SEC23A: variants seen among roughly 807,000 people sequenced by gnomAD.
SEC23A encodes SEC23 homolog A, COPII component.
Under a neutral mutation model 103.7 loss-of-function variants are expected in SEC23A, and 56 were observed. The ratio of observed to expected loss-of-function variants is 0.54; its 90% CI spans 0.44 to 0.67. The LOEUF (loss-of-function observed/expected upper bound fraction) is 0.67. Among genes scored for constraint, SEC23A ranks in the 30% least tolerant of loss-of-function variants. SEC23A has a pLI of 0.00. For missense variants in SEC23A, 784 were observed against 936.4 expected (o/e 0.84, Z 2.12); for synonymous variants, 281 against 293.0 (o/e 0.96, Z 0.42).
At chr14:39,074,288 T>G (rs1303849473) in intron 9 of SEC23A, 127 bp downstream of exon 9, 1 of 714,814 alleles carries the variant, frequency 1.4e-6, no homozygotes, top group African/African-American at 1.8e-5. Flanking sequence ...CAAAAACTAC[T>G]AACAGATGTG....
intron 1 of SEC23A, among the ~76,000 whole-genome samples, chr14:39,101,568 A>G (rs1256046538): frequency 6.6e-6 from 1 of 151,704 alleles, no homozygotes; most frequent in Non-Finnish European, 1.5e-5. Context: ...GGTTGCAGTG[A>G]GCCGAAATCG....
In SEC23A at chr14:39,041,409, C is replaced by CAAAAAAAAAAAA. The variant is rs56911438; in HGVS notation, c.1987-534_1987-523dup. The CAAAAAAAAAAAA allele has an allele frequency of 5.5e-4, 8 of 14,642 alleles. 1 individual carries two copies. The highest frequency in any genetic ancestry group is 3.2e-3 in the East Asian group (1 of 310). The allele number at this position is 14,642 out of a possible 1,614,324, so 0.9% of individuals were successfully genotyped here. ...AAATCACCATAAAACAAAGAAAAAG[C>CAAAAAAAAAAAA]AAAAAAAAAAAAAAAAAAAAAAAAA... On this transcript the variant is annotated intron_variant, in intron 17 of 19. Transcript: ENST00000307712.
intron 2 of SEC23A, among the ~76,000 whole-genome samples, chr14:39,094,294 A>C (rs1887770898): frequency 8.5e-6 from 1 of 117,362 alleles, no homozygotes; most frequent in Admixed American, 9.8e-5. Flanking sequence ...ATATATATGC[A>C]TATATACACA....
At chr14:39,098,098 A>C (rs971914435) in intron 1 of SEC23A, among the ~76,000 whole-genome samples, 36 of 152,126 alleles carry the variant, frequency 2.4e-4, no homozygotes, top group Non-Finnish European at 7.3e-5. Flanking sequence ...CAAAAAAAAA[A>C]ACAAAACTAT....
intron 10 of SEC23A, among the ~76,000 whole-genome samples, chr14:39,066,234 T>C (rs190492070): frequency 6.6e-6 from 1 of 152,002 alleles, no homozygotes; most frequent in Non-Finnish European, 1.5e-5. Context: ...TCCCTAGGCA[T>C]CTCTGTAATT....
chr14:39,071,072 A>G (rs1248175658), intron 9 of SEC23A, among the ~76,000 whole-genome samples: 2 of 152,202 alleles, frequency 1.3e-5, no homozygotes, highest in Non-Finnish European at 2.9e-5. Context: ...CCGAAGATCA[A>G]GAACAACACA....
intron 5 of SEC23A, among the ~76,000 whole-genome samples, chr14:39,089,803 A>G (rs1887594257): frequency 6.6e-6 from 1 of 152,202 alleles, no homozygotes; most frequent in Admixed American, 6.5e-5. Flanking sequence ...CAAAAATACC[A>G]AAATTAGCTG....
intron 2 of SEC23A, 31 bp from the exon 3 acceptor site, chr14:39,093,275 G>A (rs370560645): frequency 5.1e-5 from 79 of 1,562,680 alleles, no homozygotes; most frequent in Middle Eastern, 1.7e-4. Context: ...AGACATATCA[G>A]TTCATATTTC....
rs369778560 is a variant in SEC23A, at chr14:39,086,951, G to C, written c.661C>G (p.Gln221Glu). ...LTQATRGPQV[Q>E]QPPPSNRFLQ... is the part of the protein sequence containing the mutation. ...TACCTGTTGGAAGGAGGTGGCTGCT[G>C]TACCTGAGGACCACGTGTTGCTTGA... Residue 221 changes from glutamine (Q) to glutamate (E), a missense_variant, in exon 6 of 20, where the codon CAG becomes GAG. Coordinates refer to ENST00000307712, the MANE Select transcript of SEC23A (RefSeq NM_006364.4). The C allele has an allele frequency of 1.3e-6, 2 of 1,595,746 alleles. No homozygotes were observed. Among genetic ancestry groups the C allele is most frequent in the East Asian group, 2.2e-5 (1 of 44,794 alleles).
intron 9 of SEC23A, 30 bp from the exon 10 acceptor site, chr14:39,067,326 C>T (rs745702308): frequency 1.2e-6 from 2 of 1,612,074 alleles, no homozygotes; most frequent in Non-Finnish European, 1.7e-6. Flanking sequence ...AAACAACATA[C>T]TTGACACAGT....
At chr14:39,041,667 C>T (rs1451323337) in intron 17 of SEC23A, among the ~76,000 whole-genome samples, 1 of 151,778 alleles carries the variant, frequency 6.6e-6, no homozygotes, top group African/African-American at 2.4e-5. Context: ...GTCAGGAGTT[C>T]GAGACCAGCC....
chr14:39,039,327 ATTG>A, intron 18 of SEC23A: 1 of 490,998 alleles, frequency 2.0e-6, no homozygotes, highest in Non-Finnish European at 3.6e-6. Flanking sequence ...TAACAAATAC[ATTG>A]TTGAGTCCAA....
chr14:39,049,990 G>A (rs62001133), intron 14 of SEC23A, among the ~76,000 whole-genome samples: 10 of 151,816 alleles, frequency 6.6e-5, no homozygotes, highest in South Asian at 4.1e-4. Flanking sequence ...GGATGGTCTC[G>A]ATCTCCTGAC....
chr14:39,094,047 G>C (rs1482053470), intron 2 of SEC23A, among the ~76,000 whole-genome samples: 2 of 150,826 alleles, frequency 1.3e-5, no homozygotes, highest in Non-Finnish European at 2.9e-5. Context: ...TTTGAGACAG[G>C]GTCTCGTTCT....
In SEC23A at chr14:39,040,765, T is replaced by G. The variant is rs1885610261; in HGVS notation, c.2109A>C (p.Pro703=). The G allele has an allele frequency of 6.2e-7, 1 of 1,614,120 alleles. No homozygotes were observed. Among genetic ancestry groups the G allele is most frequent in the Non-Finnish European group, 8.5e-7 (1 of 1,180,048 alleles). Residue 703 remains proline, a synonymous_variant, in exon 18 of 20, where the codon CCA becomes CCC. Transcript: ENST00000307712. The part of the protein sequence containing the change: ...QEILHSRFPM[P]RYIDTEHGGS... ...CTCCATGTTCAGTGTCAATGTATCT[T>G]GGCATTGGAAATCTGGAGTGAAGAA...
chr14:39,054,658 G>A (rs2139211283), intron 14 of SEC23A, among the ~76,000 whole-genome samples: 1 of 151,868 alleles, frequency 6.6e-6, no homozygotes, highest in South Asian at 2.1e-4. Flanking sequence ...GGAGAGACAG[G>A]GGTTTCGCCA....
At position 39,064,973 on chromosome 14, in the gene SEC23A, A is replaced by G; in HGVS notation, c.1248T>C (p.Ile416=). The G allele has an allele frequency of 6.2e-7, 1 of 1,612,766 alleles. No homozygotes were observed. The highest frequency in any genetic ancestry group is 1.3e-5 in the African/African-American group (1 of 74,994). ...ACACACAGGGTCCAATAGCTCCTGA[A>G]ATCTTTATTTCCCTTGAGGTCTGCA... ...LEIKTSREIK[I]SGAIGPCVSL... Residue 416 remains isoleucine, a synonymous_variant, in exon 11 of 20, where the codon ATT becomes ATC. Transcript: ENST00000307712.
At chr14:39,094,186 A>G (rs1005786604) in intron 2 of SEC23A, among the ~76,000 whole-genome samples, 56 of 147,416 alleles carry the variant, frequency 3.8e-4, no homozygotes, top group African/African-American at 1.4e-3. Context: ...CACACCCAGC[A>G]TATACATATA....
chr14:39,086,994 G>A lies in SEC23A; in HGVS notation c.618C>T (p.Leu206=), dbSNP rs768220057. 43 of 1,572,312 alleles carry A rather than the reference G, an allele frequency of 2.7e-5. 1 individual carries two copies. The South Asian group carries it at 3.2e-4, about 12-fold the overall frequency. ...SAKQLQEMLG[L]SKVPLTQATR... The stretch of plus-strand genomic sequence containing the variant: ...TTGCTTGAGTAAGTGGTACTTTAGA[G>A]AGCCCCAGCATTTCCTGTAAAGAGA... The change falls in exon 6 of 20, where the codon CTC becomes CTT. Residue 206 remains leucine, a synonymous_variant. Coordinates refer to ENST00000307712, the MANE Select transcript of SEC23A (RefSeq NM_006364.4).
Sources: gnomAD v4.1 joint callset for allele counts (sites outside exome capture counted in the v4.1 genomes callset) on GRCh38, gnomAD v4.1.1 for gene constraint, MANE v1.5 for transcripts, NCBI Gene and HGNC (gene_info 2026-07-23, HGNC 2026-07-21) for gene names.